ATP10A: variants seen among roughly 807,000 people sequenced by gnomAD.
ATP10A encodes ATPase phospholipid transporting 10A (putative), also known as phospholipid-transporting ATPase VA.
Under a neutral mutation model 147.8 loss-of-function variants are expected in ATP10A, and 111 were observed. The observed-to-expected ratio is 0.75, with a 90% CI of 0.64 to 0.88. The LOEUF is 0.88. Among genes scored for constraint, ATP10A ranks in the 40% least tolerant of loss-of-function variants. The pLI, the probability that ATP10A is intolerant of heterozygous loss-of-function variation, is 0.00. For synonymous variants in ATP10A, 875 were observed against 841.6 expected, an observed-to-expected ratio of 1.04 and a Z score of -0.69; for missense variants, 1,927 against 1,959.0, an observed-to-expected ratio of 0.98 and a Z score of 0.31.
intron 1 of ATP10A, among the ~76,000 whole-genome samples, chr15:25,849,148 G>A (rs60801086): frequency 0.12 from 18,375 of 151,958 alleles, 2,442 homozygotes; most frequent in African/African-American, 0.33. Context: ...GGTGGACCCT[G>A]GGACAAAGGG....
At chr15:25,727,886 G>A (rs377418619) in intron 3 of ATP10A, among the ~76,000 whole-genome samples, 5 of 152,164 alleles carry the variant, frequency 3.3e-5, no homozygotes, top group Admixed American at 6.5e-5. Flanking sequence ...CTTGTCCTCC[G>A]GGCCCACTGA....
chr15:25,721,050 C>T (rs1464142280), intron 7 of ATP10A, among the ~76,000 whole-genome samples: 3 of 152,226 alleles, frequency 2.0e-5, no homozygotes, highest in African/African-American at 7.2e-5. Context: ...ATGCCCTCTC[C>T]TGACTGGGGT....
intron 1 of ATP10A, among the ~76,000 whole-genome samples, chr15:25,851,485 G>A (rs563015819): frequency 1.3e-5 from 2 of 152,102 alleles, no homozygotes; most frequent in East Asian, 3.9e-4. Flanking sequence ...CCCCCTAAAA[G>A]GTTATTACCA....
intron 1 of ATP10A, among the ~76,000 whole-genome samples, chr15:25,805,378 T>A (rs1891136073): frequency 6.6e-6 from 1 of 152,140 alleles, no homozygotes; most frequent in Non-Finnish European, 1.5e-5. Flanking sequence ...TGAAAAAAGG[T>A]CCTTTGCCAC....
chr15:25,736,229 G>T, intron 2 of ATP10A, 88 bp from the exon 3 acceptor site: 1 of 1,033,530 alleles, frequency 9.7e-7, no homozygotes, highest in South Asian at 1.3e-5. Flanking sequence ...TCGCATCCGC[G>T]GCAGGCACAT....
chr15:25,747,625 A>C (rs1487812265), intron 2 of ATP10A, among the ~76,000 whole-genome samples: 1 of 152,168 alleles, frequency 6.6e-6, no homozygotes, highest in Non-Finnish European at 1.5e-5. Context: ...AATAAATTTG[A>C]AAATTTAAGT....
chr15:25,679,664 G>C lies in ATP10A; in HGVS notation c.4177C>G (p.Pro1393Ala). 6.2e-7 allele frequency: 1 copy of C among 1,613,264 alleles called. No individual in the cohort carries two copies. The highest frequency in any genetic ancestry group is 8.5e-7 in the Non-Finnish European group (1 of 1,179,986). ...TLLEGLSAPAPMSSAPGEAVL... is the reference protein window; with the variant it reads ...TLLEGLSAPAAMSSAPGEAVL... The stretch of plus-strand genomic sequence containing the variant: ...GCCTCCCCTGGCGCAGAGGACATGG[G>C]GGCCGGTGCGCTCAGCCCCTCCAGC... Residue 1393 changes from proline (P) to alanine (A), a missense_variant, in exon 21 of 21, where the codon CCC (proline) becomes GCC (alanine). Coordinates refer to ENST00000555815, the MANE Select transcript of ATP10A (RefSeq NM_024490.4).
At chr15:25,864,050 A>G (rs1248428832), upstream of ATP10A, among the ~76,000 whole-genome samples, 2 of 151,940 alleles carry the variant, frequency 1.3e-5, no homozygotes, top group Non-Finnish European at 2.9e-5. Context: ...AATCATGAGG[A>G]CCGAAACGCT....
chr15:25,783,778 A>C (rs1261117391), intron 1 of ATP10A, among the ~76,000 whole-genome samples: 1 of 152,138 alleles, frequency 6.6e-6, no homozygotes, highest in Non-Finnish European at 1.5e-5. Context: ...GTTCTTCCTG[A>C]GCTTACCCAA....
intron 2 of ATP10A, among the ~76,000 whole-genome samples, chr15:25,739,459 T>C (rs765097269): frequency 6.6e-6 from 1 of 152,170 alleles, no homozygotes; most frequent in Non-Finnish European, 1.5e-5. Context: ...ATGAGACTTT[T>C]GGCAAGTGAA....
intron 1 of ATP10A, among the ~76,000 whole-genome samples, chr15:25,843,359 C>T (rs760203257): frequency 6.6e-6 from 1 of 152,034 alleles, no homozygotes; most frequent in Non-Finnish European, 1.5e-5. Context: ...GAAGGAAACT[C>T]CTCAGTGCAA....
chr15:25,682,273 T>C (rs1899462098), intron 17 of ATP10A, among the ~76,000 whole-genome samples: 1 of 151,952 alleles, frequency 6.6e-6, no homozygotes, highest in Admixed American at 6.6e-5. Flanking sequence ...AATTACACGA[T>C]GGATGTGTCC....
intron 1 of ATP10A, among the ~76,000 whole-genome samples, chr15:25,793,325 AG>A: frequency 6.6e-6 from 1 of 152,322 alleles, no homozygotes; most frequent in East Asian, 1.9e-4. Context: ...CATCCCACCC[AG>A]GGCCCTGGGA....
intron 19 of ATP10A, 123 bp from the exon 20 acceptor site, chr15:25,680,431 C>A (rs981864622): frequency 9.6e-7 from 1 of 1,042,584 alleles, no homozygotes; most frequent in Admixed American, 2.3e-5. Flanking sequence ...AGACACACTG[C>A]GGTCTATGAC....
At chr15:25,710,423 C>T (rs1399794622) in intron 10 of ATP10A, 1 of 152,198 alleles carries the variant, frequency 6.6e-6, no homozygotes, top group Non-Finnish European at 1.5e-5. Context: ...CCCACTGACC[C>T]CAGACACAGC....
At chr15:25,823,553 G>A (rs559120683) in intron 1 of ATP10A, among the ~76,000 whole-genome samples, 1 of 152,264 alleles carries the variant, frequency 6.6e-6, no homozygotes, top group East Asian at 1.9e-4. Context: ...TATTTCAAAT[G>A]CTAAGATTTA....
At position 25,709,436 on chromosome 15, in the gene ATP10A, A is replaced by T. The variant is rs190965591; in HGVS notation, c.2345-1136T>A. 1.4e-4 allele frequency: 21 copies of T among 152,334 alleles called. No homozygotes were observed. In the East Asian group the frequency reaches 3.5e-3, roughly 25 times the overall value. 9.4% of individuals were successfully genotyped at this position (152,334 alleles called of 1,614,324 possible). ...CCTAACTGAGGGGTTTTGGAATTGA[A>T]ATACTCTTGATAAAGCTGTCCCATT... On this transcript the variant is annotated intron_variant, in intron 10 of 20. Coordinates refer to ENST00000555815, the MANE Select transcript of ATP10A (RefSeq NM_024490.4).
chr15:25,833,833 G>T (rs866505163), intron 1 of ATP10A, among the ~76,000 whole-genome samples: 7 of 152,102 alleles, frequency 4.6e-5, no homozygotes, highest in Non-Finnish European at 1.0e-4. Context: ...TAAGCCGGGC[G>T]TGGTGGTGGG....
chr15:25,855,877 T>C (rs1361172067), intron 1 of ATP10A, among the ~76,000 whole-genome samples: 7 of 152,196 alleles, frequency 4.6e-5, no homozygotes, highest in Non-Finnish European at 4.4e-5. Context: ...CATGTAAACA[T>C]ACTGACCAAA....
Sources: gnomAD v4.1 joint callset for allele counts (sites outside exome capture counted in the v4.1 genomes callset) on GRCh38, gnomAD v4.1.1 for gene constraint, MANE v1.5 for transcripts, NCBI Gene and HGNC (gene_info 2026-07-23, HGNC 2026-07-21) for gene names.